BCKDHB: variants seen among roughly 807,000 people sequenced by gnomAD.
BCKDHB encodes the protein branched chain keto acid dehydrogenase E1 subunit beta, also known as 2-oxoisovalerate dehydrogenase subunit beta, mitochondrial.
Under a neutral mutation model 48.5 loss-of-function variants are expected in BCKDHB, and 41 were observed. That is an observed-to-expected ratio of 0.85 (90% CI 0.66 to 1.10). BCKDHB has a LOEUF of 1.10. Among genes scored for constraint, BCKDHB ranks in the 50% least tolerant of loss-of-function variants. BCKDHB has a pLI of 0.00. For missense variants in BCKDHB, 496 were observed against 494.2 expected, an observed-to-expected ratio of 1.00 and a Z score of -0.03; for synonymous variants, 201 against 174.8, an observed-to-expected ratio of 1.15 and a Z score of -1.18.
the BCKDHB span, among the ~76,000 whole-genome samples, chr6:80,390,637 C>T: frequency 1.3e-5 from 2 of 151,960 alleles, no homozygotes; most frequent in South Asian, 2.1e-4. Context: ...GGTGCGTTTC[C>T]GGTTGTACGG....
intron 1 of BCKDHB, among the ~76,000 whole-genome samples, chr6:80,116,429 A>G (rs1422345031): frequency 1.3e-5 from 2 of 152,254 alleles, no homozygotes; most frequent in African/African-American, 4.8e-5. Context: ...ATATTTATTT[A>G]GCACCTATTA....
chr6:80,210,457 A>T (rs1228179426), intron 8 of BCKDHB, among the ~76,000 whole-genome samples: 1 of 152,112 alleles, frequency 6.6e-6, no homozygotes, highest in Non-Finnish European at 1.5e-5. Context: ...AGAGTGTGTA[A>T]GGGCTATGAG....
At chr6:80,153,634 T>A (rs1771900441) in intron 3 of BCKDHB, among the ~76,000 whole-genome samples, 1 of 152,202 alleles carries the variant, frequency 6.6e-6, no homozygotes, top group Admixed American at 6.6e-5. Flanking sequence ...TCTCAAATTC[T>A]TTCTTCTTCT....
chr6:80,355,143 C>T, the BCKDHB span, among the ~76,000 whole-genome samples: 4 of 151,770 alleles, frequency 2.6e-5, no homozygotes, highest in African/African-American at 9.7e-5. Context: ...GATGTTTTTC[C>T]ATTTGTTTGT....
intron 8 of BCKDHB, among the ~76,000 whole-genome samples, chr6:80,210,376 A>C (rs1429741222): frequency 6.6e-6 from 1 of 152,084 alleles, no homozygotes; most frequent in Non-Finnish European, 1.5e-5. Flanking sequence ...TAGAGGTAAA[A>C]AATAGACAAA....
At chr6:80,191,533 A>G (rs1323960857) in intron 6 of BCKDHB, among the ~76,000 whole-genome samples, 1 of 152,154 alleles carries the variant, frequency 6.6e-6, no homozygotes, top group Non-Finnish European at 1.5e-5. Flanking sequence ...ACTATATTTC[A>G]TTGATTCTAA....
rs539768281 is a variant in BCKDHB at position 80,292,870 on chromosome 6, A to G, written c.1038+19649A>G. Among the ~76,000 whole-genome samples, 5 of 152,332 alleles carry G rather than the reference A, an allele frequency of 3.3e-5. No individual in the cohort carries two copies. In the South Asian group the frequency reaches 1.0e-3, roughly 32 times the overall value. Reference sequence around the variant, plus strand: ...AAAACAGAAGGGCTACAATGCCCATACAAGACTGAAATCTAGCGAGGCAGT... The same window carrying G: ...AAAACAGAAGGGCTACAATGCCCATGCAAGACTGAAATCTAGCGAGGCAGT... On this transcript the variant is annotated intron_variant, in intron 9 of 9. Coordinates refer to ENST00000320393, the MANE Select transcript of BCKDHB (RefSeq NM_183050.4).
the BCKDHB span, among the ~76,000 whole-genome samples, chr6:80,450,905 A>G: frequency 6.6e-6 from 1 of 152,206 alleles, no homozygotes; most frequent in Non-Finnish European, 1.5e-5. Flanking sequence ...AATAATTTAA[A>G]TAGTAGAAAT....
rs1048280452 is a variant in BCKDHB at position 80,129,329 on chromosome 6, T to C, written c.343+100T>C. On this transcript the variant is annotated intron_variant, in intron 3 of 9. Coordinates refer to ENST00000320393, the MANE Select transcript of BCKDHB (RefSeq NM_183050.4). ...ACTAAATTTTTTGTCATATCCCCAT[T>C]GTATGGATGAATTCCTTTTCATTTC... The C allele has an allele frequency of 3.2e-6, 3 of 930,794 alleles. No individual in the cohort carries two copies. In the African/African-American group the frequency reaches 4.9e-5, roughly 15 times the overall value. The allele number at this position is 930,794 out of a possible 1,614,324, so 57.7% of individuals were successfully genotyped here.
At chr6:80,140,728 G>A (rs1771158030) in intron 3 of BCKDHB, among the ~76,000 whole-genome samples, 1 of 152,046 alleles carries the variant, frequency 6.6e-6, no homozygotes, top group Admixed American at 6.6e-5. Flanking sequence ...GAGGATTTTT[G>A]CATCAATGTT....
In BCKDHB at chr6:80,344,726, A is replaced by G. The variant is rs371667903; in HGVS notation, c.*922A>G. 2.0e-5 allele frequency: 3 copies of G among 152,224 alleles called. No homozygotes were observed. The highest frequency in any genetic ancestry group is 3.9e-4 in the East Asian group (2 of 5,190). 9.4% of individuals were successfully genotyped at this position (152,224 alleles called of 1,614,324 possible). On this transcript the variant is annotated 3_prime_UTR_variant, in exon 10 of 10. Transcript: ENST00000320393. ...TCACTAGATGAAGATGCTCTCTACC[A>G]TGGTTTAGATTGCAAGTGTACTTTA...
chr6:80,122,301 G>A (rs1340705541), intron 1 of BCKDHB, among the ~76,000 whole-genome samples: 1 of 152,152 alleles, frequency 6.6e-6, no homozygotes, highest in Non-Finnish European at 1.5e-5. Flanking sequence ...AGGGATATTA[G>A]TCTAAAATTC....
the BCKDHB span, among the ~76,000 whole-genome samples, chr6:80,363,537 A>G: frequency 6.6e-6 from 1 of 152,198 alleles, no homozygotes; most frequent in Admixed American, 6.5e-5. Context: ...AAGAAAATTA[A>G]CATTTTGAAT....
the BCKDHB span, among the ~76,000 whole-genome samples, chr6:80,411,927 C>A: frequency 1.3e-4 from 20 of 152,320 alleles, no homozygotes; most frequent in Non-Finnish European, 2.6e-4. Flanking sequence ...TGAGGTGAGG[C>A]CCTGCCCTGC....
intron 1 of BCKDHB, among the ~76,000 whole-genome samples, chr6:80,125,405 T>C (rs867544532): frequency 1.3e-5 from 2 of 152,220 alleles, no homozygotes; most frequent in Admixed American, 6.5e-5. Context: ...TGCTTTCTTA[T>C]CATTTGTGTG....
intron 6 of BCKDHB, among the ~76,000 whole-genome samples, chr6:80,182,607 G>A (rs1352719519): frequency 6.6e-6 from 1 of 151,886 alleles, no homozygotes; most frequent in Non-Finnish European, 1.5e-5. Context: ...TTTCCTACTG[G>A]CTCACTTTGA....
At chr6:80,392,372 T>A in the BCKDHB span, among the ~76,000 whole-genome samples, 8 of 151,908 alleles carry the variant, frequency 5.3e-5, no homozygotes, top group Non-Finnish European at 1.0e-4. Flanking sequence ...ATTTTTTTTT[T>A]ATTTATTTTG....
intron 9 of BCKDHB, among the ~76,000 whole-genome samples, chr6:80,342,768 G>A (rs1003462078): frequency 2.6e-5 from 4 of 152,000 alleles, no homozygotes; most frequent in Admixed American, 6.6e-5. Flanking sequence ...CAGCCTGGGC[G>A]AGAGAGTGAG....
chr6:80,131,084 C>T (rs1770606086), intron 3 of BCKDHB, among the ~76,000 whole-genome samples: 1 of 152,112 alleles, frequency 6.6e-6, no homozygotes, highest in East Asian at 1.9e-4. Flanking sequence ...GCCTGTCTGC[C>T]CAGGTTCTCA....
Sources: gnomAD v4.1 joint callset for allele counts (sites outside exome capture counted in the v4.1 genomes callset) on GRCh38, gnomAD v4.1.1 for gene constraint, MANE v1.5 for transcripts, NCBI Gene and HGNC (gene_info 2026-07-23, HGNC 2026-07-21) for gene names.